The following GALNT18 variants were observed in gnomAD, a reference collection of about 807,000 sequenced individuals.
GALNT18 encodes GalNAc-transferase 18.
A neutral mutation model predicts 69.5 loss-of-function variants in GALNT18; 44 were observed. That is an observed-to-expected ratio of 0.63 (90% confidence interval 0.50 to 0.81). The LOEUF (loss-of-function observed/expected upper bound fraction) is 0.81. Among genes scored for constraint, GALNT18 ranks in the 40% least tolerant of loss-of-function variants. The pLI is 0.00. For synonymous variants in GALNT18, 364 were observed against 318.2 expected, an observed-to-expected ratio of 1.14 and a Z score of -1.53; for missense variants, 715 against 810.0, an observed-to-expected ratio of 0.88 and a Z score of 1.42.
At chr11:11,390,111 G>T (rs1014863309) in intron 3 of GALNT18, among the ~76,000 whole-genome samples, 3 of 152,068 alleles carry the variant, frequency 2.0e-5, no homozygotes, top group South Asian at 4.2e-4. Context: ...TCCTGTAAAT[G>T]CCAGAGTAAT....
In GALNT18 at chr11:11,377,825, T is replaced by A; in HGVS notation, c.780-446A>T. ...GATGAGGATGGCAGAGACTAGGAGC[T>A]GAGAACAAACCTACATCCACCAGCC... On this transcript the variant is annotated intron_variant, in intron 4 of 10. Coordinates refer to ENST00000227756, the MANE Select transcript of GALNT18 (RefSeq NM_198516.3). The surrounding 1 kb of genome is among the most constrained non-coding windows in gnomAD (Gnocchi z 4.6). Among the ~76,000 whole-genome samples, 1 of 152,154 alleles carries A rather than the reference T, an allele frequency of 6.6e-6. No homozygotes were observed. The highest frequency in any genetic ancestry group is 1.9e-4 in the East Asian group (1 of 5,174).
At chr11:11,442,412 G>T (rs1855549057) in intron 2 of GALNT18, among the ~76,000 whole-genome samples, 1 of 152,160 alleles carries the variant, frequency 6.6e-6, no homozygotes, top group East Asian at 1.9e-4. Flanking sequence ...AGGTATGGGG[G>T]ATTAGGATGT....
chr11:11,544,178 T>G lies in GALNT18; in HGVS notation c.235+77181A>C, dbSNP rs368353085. Among the ~76,000 whole-genome samples the G allele has an allele frequency of 4.6e-5, 7 of 152,228 alleles. No homozygotes were observed. The East Asian group carries it at 1.2e-3, about 25-fold the overall frequency. On this transcript the variant is annotated intron_variant, in intron 1 of 10. Coordinates refer to ENST00000227756, the MANE Select transcript of GALNT18 (RefSeq NM_198516.3). ...CAAGAGGGTATAAATTAGGCCTAAC[T>G]CTGGATGGTAGCCACAGTGGAAACC...
intron 3 of GALNT18, among the ~76,000 whole-genome samples, chr11:11,407,192 G>T (rs1156897025): frequency 6.6e-6 from 1 of 152,234 alleles, no homozygotes; most frequent in East Asian, 1.9e-4. Flanking sequence ...GGCCGTAAAG[G>T]GGAGGAGTGC....
intron 9 of GALNT18, among the ~76,000 whole-genome samples, chr11:11,296,564 T>C (rs1311085521): frequency 1.3e-5 from 2 of 152,170 alleles, no homozygotes; most frequent in Admixed American, 1.3e-4. Context: ...CATCAAAGCC[T>C]GGTTCTTGTC....
At chr11:11,609,636 A>C (rs989990931) in intron 1 of GALNT18, among the ~76,000 whole-genome samples, 3 of 152,152 alleles carry the variant, frequency 2.0e-5, no homozygotes, top group Non-Finnish European at 4.4e-5. Context: ...TCCAGCCAAC[A>C]CTGAGGAGAG....
intron 1 of GALNT18, among the ~76,000 whole-genome samples, chr11:11,585,648 G>A (rs1028084054): frequency 9.2e-5 from 14 of 152,044 alleles, no homozygotes; most frequent in Admixed American, 5.2e-4. Context: ...GAGCCACCGC[G>A]CCCGGCCGAA....
intron 6 of GALNT18, among the ~76,000 whole-genome samples, chr11:11,359,975 C>A (rs988225390): frequency 6.6e-6 from 1 of 152,150 alleles, no homozygotes; most frequent in African/African-American, 2.4e-5. Flanking sequence ...ATAATACACA[C>A]AAGTGATTGC....
intron 10 of GALNT18, among the ~76,000 whole-genome samples, chr11:11,292,658 G>A (rs34100087): frequency 0.014 from 2,094 of 152,230 alleles, 38 homozygotes; most frequent in Non-Finnish European, 0.016. Flanking sequence ...AAGTCAGAAA[G>A]ACCTGAGTTT....
chr11:11,506,192 T>A (rs1029447658), intron 1 of GALNT18, among the ~76,000 whole-genome samples: 1 of 152,172 alleles, frequency 6.6e-6, no homozygotes, highest in Non-Finnish European at 1.5e-5. Flanking sequence ...AGCATACAGC[T>A]CCTCTGGCAA....
intron 9 of GALNT18, among the ~76,000 whole-genome samples, chr11:11,307,882 T>C (rs1056727238): frequency 1.3e-4 from 20 of 152,272 alleles, no homozygotes; most frequent in African/African-American, 3.6e-4. Context: ...ACTGGAGCAA[T>C]GTGATGGGAA....
intron 1 of GALNT18, among the ~76,000 whole-genome samples, chr11:11,536,306 A>G (rs1857771939): frequency 6.6e-6 from 1 of 152,218 alleles, no homozygotes; most frequent in South Asian, 2.1e-4. Context: ...TTTACAGAAT[A>G]GGACTGGACT....
intron 3 of GALNT18, among the ~76,000 whole-genome samples, chr11:11,422,029 CATCTAT>C (rs76121026): frequency 0.072 from 10,877 of 152,108 alleles, 566 homozygotes; most frequent in East Asian, 0.18. Flanking sequence ...ATATCTATAT[CATCTAT>C]ATCTATATCA....
At chr11:11,300,489 C>A (rs1849474588) in intron 9 of GALNT18, among the ~76,000 whole-genome samples, 1 of 152,134 alleles carries the variant, frequency 6.6e-6, no homozygotes, top group African/African-American at 2.4e-5. Flanking sequence ...AGATATTTAT[C>A]CATATTTTTG....
At chr11:11,610,627 A>G (rs752711426) in intron 1 of GALNT18, among the ~76,000 whole-genome samples, 3 of 152,146 alleles carry the variant, frequency 2.0e-5, no homozygotes, top group Non-Finnish European at 4.4e-5. Flanking sequence ...CCAGGTTCTC[A>G]TAAAATAAAA....
At chr11:11,588,833 C>A (rs1859284819) in intron 1 of GALNT18, among the ~76,000 whole-genome samples, 1 of 152,236 alleles carries the variant, frequency 6.6e-6, no homozygotes, top group Admixed American at 6.5e-5. Flanking sequence ...AACTCCCAGA[C>A]ATCTGGAACT....
chr11:11,388,766 A>G (rs1334363757), intron 3 of GALNT18, among the ~76,000 whole-genome samples: 1 of 152,222 alleles, frequency 6.6e-6, no homozygotes, highest in Non-Finnish European at 1.5e-5. Flanking sequence ...CTTCAGATCA[A>G]TCCATCCTTT....
chr11:11,487,119 C>G lies in GALNT18; in HGVS notation c.236-38183G>C, dbSNP rs1856661229. ...TACTCAATTAATGCTCTGAATCTTC[C>G]CCACTCATCTCCCCTCCCCCTTTAT... On this transcript the variant is annotated intron_variant, in intron 1 of 10. Transcript: ENST00000227756. 2.6e-5 allele frequency among the ~76,000 whole-genome samples: 4 copies of G among 152,196 alleles called. No homozygotes were observed. In the South Asian group the frequency reaches 8.3e-4, roughly 32 times the overall value.
chr11:11,293,537 T>A (rs899751935), intron 9 of GALNT18, among the ~76,000 whole-genome samples: 9 of 95,410 alleles, frequency 9.4e-5, no homozygotes, highest in African/African-American at 3.8e-4. Flanking sequence ...ACCCCTCTTT[T>A]TTTTTTTTTT....
Sources: allele counts gnomAD v4.1 joint callset (sites outside exome capture counted in the v4.1 genomes callset), GRCh38; gene constraint gnomAD v4.1.1; non-coding constraint Gnocchi (gnomAD v3.1); transcripts MANE v1.5; gene names NCBI Gene and HGNC (gene_info 2026-07-23, HGNC 2026-07-21).